The following SUPT3H variants were observed in gnomAD, a reference collection of about 807,000 sequenced individuals.
SUPT3H encodes the protein SPT3 homolog, SAGA and STAGA complex component.
SUPT3H carries 44 observed loss-of-function variants against 44.3 expected under a neutral mutation model. The ratio of observed to expected loss-of-function variants is 0.99; its 90% CI spans 0.78 to 1.28. SUPT3H has a LOEUF of 1.28. Among genes scored for constraint, SUPT3H ranks in the 50% most tolerant of loss-of-function variants. The pLI, the probability that SUPT3H is intolerant of heterozygous loss-of-function variation, is 0.00. For synonymous variants in SUPT3H, 124 were observed against 125.6 expected, an observed-to-expected ratio of 0.99 and a Z score of 0.09; for missense variants, 380 against 387.1, an observed-to-expected ratio of 0.98 and a Z score of 0.15.
intron 10 of SUPT3H, among the ~76,000 whole-genome samples, chr6:44,876,836 GA>G (rs200454659): frequency 0.029 from 2,648 of 92,172 alleles, 66 homozygotes; most frequent in African/African-American, 0.1. Flanking sequence ...ATCTTCAATT[GA>G]AAAAAAAAAA....
chr6:44,893,355 C>T (rs1049070198), intron 10 of SUPT3H, among the ~76,000 whole-genome samples: 1 of 152,160 alleles, frequency 6.6e-6, no homozygotes, highest in African/African-American at 2.4e-5. Context: ...TTAGCTATAT[C>T]TCCCAATGCT....
chr6:44,938,634 A>T (rs1377077002), intron 9 of SUPT3H, among the ~76,000 whole-genome samples: 1 of 151,942 alleles, frequency 6.6e-6, no homozygotes, highest in Non-Finnish European at 1.5e-5. Flanking sequence ...TTTGATAGAG[A>T]TTGCACTGGA....
chr6:44,830,741 G>T (rs185809112), intron 10 of SUPT3H, among the ~76,000 whole-genome samples: 1 of 152,044 alleles, frequency 6.6e-6, no homozygotes, highest in African/African-American at 2.4e-5. Context: ...CACATCCAGA[G>T]AATTCATAAC....
chr6:44,869,749 A>G (rs768155150), intron 10 of SUPT3H, among the ~76,000 whole-genome samples: 1 of 152,190 alleles, frequency 6.6e-6, no homozygotes, highest in Non-Finnish European at 1.5e-5. Flanking sequence ...CATAACCACT[A>G]GTTAGGAAGT....
At chr6:45,104,332 C>T (rs966099739) in intron 3 of SUPT3H, among the ~76,000 whole-genome samples, 1 of 151,956 alleles carries the variant, frequency 6.6e-6, no homozygotes, top group East Asian at 1.9e-4. Flanking sequence ...CCTTATAAGA[C>T]AGGAGGACAT....
intron 2 of SUPT3H, among the ~76,000 whole-genome samples, chr6:45,169,644 T>C (rs1415284474): frequency 1.3e-5 from 2 of 152,200 alleles, no homozygotes; most frequent in East Asian, 1.9e-4. Flanking sequence ...AAATATCCAA[T>C]CAAATTATCT....
intron 11 of SUPT3H, among the ~76,000 whole-genome samples, chr6:44,820,132 T>C (rs1460350854): frequency 1.3e-5 from 2 of 152,040 alleles, no homozygotes; most frequent in Non-Finnish European, 2.9e-5. Context: ...GGTGGGAGGA[T>C]CATTTGAGCC....
chr6:45,060,706 A>G (rs1440298351), intron 3 of SUPT3H, among the ~76,000 whole-genome samples: 1 of 152,188 alleles, frequency 6.6e-6, no homozygotes. Flanking sequence ...CATGAGATAA[A>G]GGTCTAATAT....
At chr6:45,328,323 A>C in intron 2 of SUPT3H, 1 of 1,373,028 alleles carries the variant, frequency 7.3e-7, no homozygotes, top group Non-Finnish European at 9.7e-7. Context: ...GATTGTGTGA[A>C]TGCTTCATTC....
chr6:44,915,884 C>A (rs1378671861), intron 10 of SUPT3H, among the ~76,000 whole-genome samples: 9 of 152,136 alleles, frequency 5.9e-5, no homozygotes, highest in Non-Finnish European at 1.3e-4. Context: ...AACCAAGCTG[C>A]ACCCCAACCA....
At chr6:45,295,949 C>T (rs1183509251) in intron 2 of SUPT3H, among the ~76,000 whole-genome samples, 1 of 151,980 alleles carries the variant, frequency 6.6e-6, no homozygotes, top group East Asian at 1.9e-4. Flanking sequence ...AGTAGAACTA[C>T]CATTTGATCC....
At chr6:45,181,755 T>G (rs1411771491) in intron 2 of SUPT3H, among the ~76,000 whole-genome samples, 1 of 150,424 alleles carries the variant, frequency 6.6e-6, no homozygotes, top group Non-Finnish European at 1.5e-5. Flanking sequence ...CTGGGAGATA[T>G]ACCTAATGCT....
At chr6:45,283,969 C>T (rs1389645311) in intron 2 of SUPT3H, among the ~76,000 whole-genome samples, 2 of 152,104 alleles carry the variant, frequency 1.3e-5, no homozygotes, top group African/African-American at 2.4e-5. Context: ...AACGGAACAA[C>T]CTGCTCCTGA....
At chr6:45,275,941 T>C (rs58578990) in intron 2 of SUPT3H, among the ~76,000 whole-genome samples, 113 of 152,232 alleles carry the variant, frequency 7.4e-4, no homozygotes, top group African/African-American at 2.7e-3. Flanking sequence ...ACTATCTAGT[T>C]CCCTTACTGA....
At chr6:45,150,094 A>C (rs984685555) in intron 2 of SUPT3H, among the ~76,000 whole-genome samples, 3 of 152,190 alleles carry the variant, frequency 2.0e-5, no homozygotes, top group African/African-American at 7.2e-5. Flanking sequence ...TAAGGTTGAG[A>C]ACTGTTATTC....
chr6:44,858,294 A>G (rs1386651913), intron 10 of SUPT3H, among the ~76,000 whole-genome samples: 1 of 152,200 alleles, frequency 6.6e-6, no homozygotes, highest in East Asian at 1.9e-4. Context: ...GATAATGATG[A>G]CAATGTTACT....
At chr6:45,223,954 A>T (rs911233148) in intron 2 of SUPT3H, among the ~76,000 whole-genome samples, 4 of 149,764 alleles carry the variant, frequency 2.7e-5, no homozygotes, top group African/African-American at 9.7e-5. Context: ...ACCAACAGTA[A>T]ATTACACCAA....
At chr6:44,823,714 C>A (rs1236537576), downstream of SUPT3H, among the ~76,000 whole-genome samples, 1 of 152,218 alleles carries the variant, frequency 6.6e-6, no homozygotes, top group African/African-American at 2.4e-5. Context: ...GTAATCCCAG[C>A]ACTTTGGGAG....
intron 2 of SUPT3H, among the ~76,000 whole-genome samples, chr6:45,210,003 T>A (rs1763826214): frequency 6.6e-6 from 1 of 152,054 alleles, no homozygotes; most frequent in African/African-American, 2.4e-5. Context: ...TCAGATGATA[T>A]CAGCAAAAAG....
Sources: allele counts gnomAD v4.1 joint callset (sites outside exome capture counted in the v4.1 genomes callset), GRCh38; gene constraint gnomAD v4.1.1; transcripts MANE v1.5; gene names NCBI Gene and HGNC (gene_info 2026-07-23, HGNC 2026-07-21).